The following SLC24A2 variants were observed in gnomAD, a reference collection of about 807,000 sequenced individuals.
SLC24A2 encodes the protein solute carrier family 24 member 2.
SLC24A2 carries 36 observed loss-of-function variants against 62.0 expected under a neutral mutation model. The ratio of observed to expected loss-of-function variants is 0.58; its 90% confidence interval spans 0.44 to 0.77. The LOEUF (loss-of-function observed/expected upper bound fraction) is 0.77. Among genes scored for constraint, SLC24A2 ranks in the 30% least tolerant of loss-of-function variants. SLC24A2 has a pLI of 0.00. For synonymous variants in SLC24A2, 358 were observed against 294.0 expected, an observed-to-expected ratio of 1.22 and a Z score of -2.23; for missense variants, 846 against 817.9, an observed-to-expected ratio of 1.03 and a Z score of -0.42.
chr9:20,134,281 A>C, the SLC24A2 span, among the ~76,000 whole-genome samples: 21 of 152,352 alleles, frequency 1.4e-4, no homozygotes, highest in African/African-American at 4.6e-4. Context: ...ATATCGAAGA[A>C]GAAATACATA....
chr9:19,913,762 T>C, the SLC24A2 span, among the ~76,000 whole-genome samples: 1 of 152,244 alleles, frequency 6.6e-6, no homozygotes, highest in Non-Finnish European at 1.5e-5. Context: ...AAGGAAACCA[T>C]GGTCTATGAC....
the SLC24A2 span, among the ~76,000 whole-genome samples, chr9:20,110,410 C>T: frequency 2.6e-5 from 4 of 151,650 alleles, no homozygotes; most frequent in Non-Finnish European, 5.9e-5. Context: ...AAATCAACGC[C>T]AAAATAAAAT....
At chr9:19,866,896 T>C in the SLC24A2 span, among the ~76,000 whole-genome samples, 1 of 151,864 alleles carries the variant, frequency 6.6e-6, no homozygotes, top group Non-Finnish European at 1.5e-5. Flanking sequence ...AGTAGAAGGC[T>C]GATTATCAGA....
At chr9:20,125,632 C>G in the SLC24A2 span, among the ~76,000 whole-genome samples, 1 of 152,124 alleles carries the variant, frequency 6.6e-6, no homozygotes, top group African/African-American at 2.4e-5. Flanking sequence ...CAGGTCAGCA[C>G]TAGGGACTCA....
chr9:19,998,203 A>T, the SLC24A2 span, among the ~76,000 whole-genome samples: 17 of 152,322 alleles, frequency 1.1e-4, no homozygotes, highest in Admixed American at 2.6e-4. Context: ...TGAGATTTAG[A>T]CATGGCAGGG....
chr9:20,186,121 T>C, the SLC24A2 span, among the ~76,000 whole-genome samples: 1 of 152,142 alleles, frequency 6.6e-6, no homozygotes, highest in Non-Finnish European at 1.5e-5. Flanking sequence ...TTAAGAATAA[T>C]GAGTCCACTG....
the SLC24A2 span, among the ~76,000 whole-genome samples, chr9:20,010,617 T>A: frequency 2.0e-5 from 3 of 152,178 alleles, no homozygotes; most frequent in Admixed American, 2.0e-4. Context: ...CATTTTCTTT[T>A]TTTTAATTAT....
At chr9:19,895,372 G>C in the SLC24A2 span, among the ~76,000 whole-genome samples, 1 of 151,948 alleles carries the variant, frequency 6.6e-6, no homozygotes, top group Non-Finnish European at 1.5e-5. Flanking sequence ...AGAGCCCAAA[G>C]CTGTCAAGAT....
chr9:20,117,274 C>T, the SLC24A2 span, among the ~76,000 whole-genome samples: 9 of 152,230 alleles, frequency 5.9e-5, no homozygotes, highest in South Asian at 1.9e-3. Context: ...TCCTTTCTTT[C>T]CTGTCCCAGA....
rs1202938831 is a variant in SLC24A2, at chr9:19,507,650, G to T, written c.*8503C>A. The T allele has an allele frequency of 6.6e-6, 1 of 152,218 alleles. No homozygotes were observed. Among genetic ancestry groups the T allele is most frequent in the Non-Finnish European group, 1.5e-5 (1 of 68,032 alleles). 9.4% of individuals were successfully genotyped at this position (152,218 alleles called of 1,614,324 possible). A position where few individuals can be genotyped will look rare whatever the true frequency, so the allele number is the denominator to read the frequency against. Reference sequence around the variant, plus strand: ...CTTCAGACAGCCTATGTACAAATAAGTAGAGCTTCCTGTCTATGTACAGAC... The same window carrying T: ...CTTCAGACAGCCTATGTACAAATAATTAGAGCTTCCTGTCTATGTACAGAC... On this transcript the variant is annotated 3_prime_UTR_variant, in exon 11 of 11. Transcript: ENST00000341998.
At chr9:19,720,820 T>C (rs1404334196) in intron 2 of SLC24A2, among the ~76,000 whole-genome samples, 1 of 149,848 alleles carries the variant, frequency 6.7e-6, no homozygotes, top group East Asian at 2.0e-4. Flanking sequence ...TAAAACAATT[T>C]GTGTATATGT....
intron 2 of SLC24A2, among the ~76,000 whole-genome samples, chr9:19,706,308 A>G (rs1820515250): frequency 6.7e-6 from 1 of 149,854 alleles, no homozygotes; most frequent in African/African-American, 2.5e-5. Flanking sequence ...CCATCCTTTT[A>G]TATTGAGCCT....
chr9:19,738,446 T>C (rs1821573864), intron 2 of SLC24A2, among the ~76,000 whole-genome samples: 1 of 152,006 alleles, frequency 6.6e-6, no homozygotes, highest in Admixed American at 6.6e-5. Context: ...TTGTGGTCAG[T>C]GGGTGGATTT....
the SLC24A2 span, among the ~76,000 whole-genome samples, chr9:20,182,201 A>G: frequency 6.6e-6 from 1 of 152,234 alleles, no homozygotes; most frequent in Non-Finnish European, 1.5e-5. Flanking sequence ...TAGTTCAACC[A>G]TTGTGGAAAA....
the SLC24A2 span, among the ~76,000 whole-genome samples, chr9:19,852,086 G>A: frequency 6.6e-6 from 1 of 152,156 alleles, no homozygotes; most frequent in African/African-American, 2.4e-5. Flanking sequence ...GATCAGTGAC[G>A]TTGAGCTTTT....
intron 2 of SLC24A2, among the ~76,000 whole-genome samples, chr9:19,660,062 A>C (rs1218951534): frequency 6.6e-6 from 1 of 152,218 alleles, no homozygotes; most frequent in Admixed American, 6.5e-5. Flanking sequence ...AAGAGAAAGC[A>C]AACGGATGAA....
intron 2 of SLC24A2, among the ~76,000 whole-genome samples, chr9:19,780,890 AAAAG>A: frequency 6.6e-6 from 1 of 151,234 alleles, no homozygotes; most frequent in Non-Finnish European, 1.5e-5. Context: ...AAAAAAAAAA[AAAAG>A]AGTGTATACA....
chr9:19,691,223 C>T (rs1487516061), intron 2 of SLC24A2, among the ~76,000 whole-genome samples: 6 of 152,070 alleles, frequency 3.9e-5, no homozygotes, highest in African/African-American at 1.4e-4. Context: ...TCTTTAACTA[C>T]CTCAACCAAA....
At chr9:20,277,003 A>G in the SLC24A2 span, among the ~76,000 whole-genome samples, 1 of 152,334 alleles carries the variant, frequency 6.6e-6, no homozygotes, top group East Asian at 1.9e-4. Flanking sequence ...GCTGCCTTGA[A>G]GTTCACTGAC....
Sources: allele counts gnomAD v4.1 joint callset (sites outside exome capture counted in the v4.1 genomes callset), GRCh38; gene constraint gnomAD v4.1.1; transcripts MANE v1.5; gene names NCBI Gene and HGNC (gene_info 2026-07-23, HGNC 2026-07-21).